Variants in ACTR10 observed in about 807,000 individuals in gnomAD.
The protein encoded by ACTR10 is actin related protein 10, also known as actin-related protein 10.
In ACTR10, 43 loss-of-function variants were observed where a neutral mutation model predicts 56.2. That is an observed-to-expected ratio of 0.77 (90% CI 0.60 to 0.99). The LOEUF is 0.99. Among genes scored for constraint, ACTR10 ranks in the 50% least tolerant of loss-of-function variants. ACTR10 has a pLI of 0.00. For missense variants in ACTR10, 466 were observed against 507.8 expected (o/e 0.92, Z 0.79); for synonymous variants, 170 against 176.3 (o/e 0.96, Z 0.28).
intron 8 of ACTR10, 186 bp from the exon 9 acceptor site, chr14:58,223,436 C>T: frequency 1.7e-6 from 1 of 596,806 alleles, no homozygotes; most frequent in Non-Finnish European, 2.9e-6. Context: ...CTGCACCTGG[C>T]CAAAACAGGT....
At position 58,225,655 on chromosome 14, in the gene ACTR10, AAAG is replaced by A. The variant is rs571371291; in HGVS notation, c.788+1807_788+1809del. ...TGATTGTTTATTGAATCTCAGTATA[AAAG>A]AAGAAGATAACTACTTAAAGAAATA... On this transcript the variant is annotated intron_variant, in intron 10 of 12. Transcript: ENST00000254286. Among the ~76,000 whole-genome samples, 640 of 152,204 alleles carry A rather than the reference AAAG, an allele frequency of 4.2e-3. 1 individual carries two copies. The highest frequency in any genetic ancestry group is 7.9e-3 in the Non-Finnish European group (536 of 68,010).
chr14:58,220,746 G>A (rs1303757686), intron 8 of ACTR10, among the ~76,000 whole-genome samples: 1 of 152,212 alleles, frequency 6.6e-6, no homozygotes, highest in Non-Finnish European at 1.5e-5. Flanking sequence ...GAAAATGGAT[G>A]TTTATTGTTA....
Position 58,219,568 on chromosome 14 carries a change from G to A in ACTR10, c.599-126G>A, listed in dbSNP as rs1010971406. The A allele has an allele frequency of 2.4e-5, 13 of 533,600 alleles. No homozygotes were observed. The African/African-American group carries it at 2.6e-4, about 11-fold the overall frequency. The allele number at this position is 533,600 out of a possible 1,614,324, so 33.1% of individuals were successfully genotyped here. A position where few individuals can be genotyped will look rare whatever the true frequency, so the allele number is the denominator to read the frequency against. On this transcript the variant is annotated intron_variant, in intron 7 of 12. Transcript: ENST00000254286. ...ATTAAATTTTTCTGTTAGACTTTTTGAGAAAATTATAGTAGTTGTATTTTT... is the reference window on the plus strand; with the variant it reads ...ATTAAATTTTTCTGTTAGACTTTTTAAGAAAATTATAGTAGTTGTATTTTT...
Position 58,235,502 on chromosome 14 carries a change from G to A in ACTR10, c.*951G>A, listed in dbSNP as rs1333580364. 46 of 152,092 alleles carry A rather than the reference G, an allele frequency of 3.0e-4. No homozygotes were observed. Among genetic ancestry groups the A allele is most frequent in the Admixed American group, 3.0e-3 (46 of 15,266 alleles). 9.4% of individuals were successfully genotyped at this position (152,092 alleles called of 1,614,324 possible). A position where few individuals can be genotyped will look rare whatever the true frequency, so the allele number is the denominator to read the frequency against. On this transcript the variant is annotated 3_prime_UTR_variant, in exon 13 of 13. Coordinates refer to ENST00000254286, the MANE Select transcript of ACTR10 (RefSeq NM_018477.3). ...AAGGTTACAACTGCTTTATAAAAAT[G>A]TATTCACAATGTCATTAATCTTTGC...
intron 7 of ACTR10, among the ~76,000 whole-genome samples, chr14:58,216,629 G>C (rs1889141302): frequency 6.6e-6 from 1 of 152,226 alleles, no homozygotes; most frequent in South Asian, 2.1e-4. Context: ...CAGTTGTCGA[G>C]GCACCGTGAG....
intron 2 of ACTR10, among the ~76,000 whole-genome samples, 173 bp from the exon 3 acceptor site, chr14:58,207,763 G>T (rs901930178): frequency 6.6e-6 from 1 of 152,054 alleles, no homozygotes; most frequent in Non-Finnish European, 1.5e-5. Context: ...TAGACATTCC[G>T]ATTCTTAAGG....
chr14:58,201,093 A>G lies in ACTR10; in HGVS notation c.77+799A>G, dbSNP rs916135706. Among the ~76,000 whole-genome samples, 4 of 152,216 alleles carry G rather than the reference A, an allele frequency of 2.6e-5. No individual in the cohort carries two copies. In the East Asian group the frequency reaches 7.7e-4, roughly 29 times the overall value. ...TTACATCATATATGTATTTATGAAA[A>G]TGAAACATTTGAAAAATCTTTTTAT... On this transcript the variant is annotated intron_variant, in intron 1 of 12. Coordinates refer to ENST00000254286, the MANE Select transcript of ACTR10 (RefSeq NM_018477.3).
At position 58,209,183 on chromosome 14, in the gene ACTR10, A is replaced by T. The variant is rs374718288; in HGVS notation, c.342+76A>T. 1.7e-5 allele frequency: 18 copies of T among 1,058,384 alleles called. No individual in the cohort carries two copies. In the Middle Eastern group the frequency reaches 1.1e-3, roughly 63 times the overall value. The allele number at this position is 1,058,384 out of a possible 1,614,324, so 65.6% of individuals were successfully genotyped here. On this transcript the variant is annotated intron_variant, in intron 4 of 12. Coordinates refer to ENST00000254286, the MANE Select transcript of ACTR10 (RefSeq NM_018477.3). ...AGCAATAAAATTCTTACCAATTTTT[A>T]GGGAATCTTTCTTCTCTTTTTTTTT...
At chr14:58,227,310 C>T (rs1320382039) in intron 10 of ACTR10, among the ~76,000 whole-genome samples, 1 of 151,964 alleles carries the variant, frequency 6.6e-6, no homozygotes, top group Non-Finnish European at 1.5e-5. Context: ...GCGGGCGGAT[C>T]ACTTGAGGTC....
intron 7 of ACTR10, 78 bp downstream of exon 7, chr14:58,215,362 A>T (rs1210181183): frequency 1.1e-6 from 1 of 869,646 alleles, no homozygotes; most frequent in Non-Finnish European, 1.8e-6. Context: ...TCTTTGCTCC[A>T]TTGCATGATT....
At position 58,213,713 on chromosome 14, in the gene ACTR10, A is replaced by G; in HGVS notation, c.518+15A>G. On this transcript the variant is annotated intron_variant, in intron 6 of 12. Coordinates refer to ENST00000254286, the MANE Select transcript of ACTR10 (RefSeq NM_018477.3). ...GCTCTTCACAAGTAAGTTTCTTGGAATTTAACATATTCATTTCACCTGTGC... is the reference window on the plus strand; with the variant it reads ...GCTCTTCACAAGTAAGTTTCTTGGAGTTTAACATATTCATTTCACCTGTGC... The G allele has an allele frequency of 6.3e-7, 1 of 1,597,938 alleles. No individual in the cohort carries two copies. The highest frequency in any genetic ancestry group is 8.6e-7 in the Non-Finnish European group (1 of 1,167,418).
At chr14:58,231,628 A>C (rs1313560203) in intron 11 of ACTR10, among the ~76,000 whole-genome samples, 1 of 152,186 alleles carries the variant, frequency 6.6e-6, no homozygotes, top group Non-Finnish European at 1.5e-5. Context: ...TTTTTCTAGG[A>C]GTGTTATCTT....
chr14:58,225,938 C>G (rs1448943897), intron 10 of ACTR10, among the ~76,000 whole-genome samples: 2 of 152,120 alleles, frequency 1.3e-5, no homozygotes, highest in Non-Finnish European at 2.9e-5. Flanking sequence ...TCTCGAACTC[C>G]TGACCTCAGG....
At chr14:58,230,640 G>A (rs964624548) in intron 11 of ACTR10, among the ~76,000 whole-genome samples, 160 bp downstream of exon 11, 3 of 151,878 alleles carry the variant, frequency 2.0e-5, no homozygotes, top group African/African-American at 7.3e-5. Flanking sequence ...TACAGAATAC[G>A]GTCCTTTTTT....
chr14:58,223,139 T>A (rs1446884648), intron 8 of ACTR10, among the ~76,000 whole-genome samples: 1 of 152,172 alleles, frequency 6.6e-6, no homozygotes, highest in Non-Finnish European at 1.5e-5. Context: ...TTGTTCTGGT[T>A]TGTTTTTTTT....
At chr14:58,216,397 TG>T (rs1308091603) in intron 7 of ACTR10, among the ~76,000 whole-genome samples, 2 of 152,188 alleles carry the variant, frequency 1.3e-5, no homozygotes, top group Admixed American at 6.5e-5. Context: ...CCCAAAATGC[TG>T]GGATTACAGC....
chr14:58,229,421 G>A (rs926492011), intron 10 of ACTR10, among the ~76,000 whole-genome samples: 5 of 152,186 alleles, frequency 3.3e-5, no homozygotes, highest in African/African-American at 7.2e-5. Flanking sequence ...GCTCACGCCT[G>A]TAATCCTAGC....
At chr14:58,200,851 C>T (rs1486870439) in intron 1 of ACTR10, among the ~76,000 whole-genome samples, 1 of 152,230 alleles carries the variant, frequency 6.6e-6, no homozygotes, top group South Asian at 2.1e-4. Flanking sequence ...TTAGATTTGA[C>T]ATGTTTTAAA....
intron 7 of ACTR10, among the ~76,000 whole-genome samples, chr14:58,218,553 A>G (rs1889189981): frequency 1.3e-5 from 2 of 152,096 alleles, no homozygotes; most frequent in South Asian, 4.1e-4. Context: ...ATCTTTTGCA[A>G]TATAATTAAA....
Sources: allele counts gnomAD v4.1 joint callset (sites outside exome capture counted in the v4.1 genomes callset), GRCh38; gene constraint gnomAD v4.1.1; transcripts MANE v1.5; gene names NCBI Gene and HGNC (gene_info 2026-07-23, HGNC 2026-07-21).